The following CNTN1 variants were observed in gnomAD, a reference collection of about 807,000 sequenced individuals.
CNTN1 encodes the protein contactin-1.
In CNTN1, 38 loss-of-function variants were observed where a neutral mutation model predicts 126.4. That is an observed-to-expected ratio of 0.30 (90% CI 0.23 to 0.39). The LOEUF (loss-of-function observed/expected upper bound fraction) is 0.39. CNTN1 is among the 10% of genes least tolerant of loss of function. The pLI is 1.00. For missense variants in CNTN1, 1,009 were observed against 1,248.4 expected (o/e 0.81, Z 2.89); for synonymous variants, 413 against 422.6 (o/e 0.98, Z 0.28).
At chr12:40,989,820 G>A (rs960827266) in intron 16 of CNTN1, among the ~76,000 whole-genome samples, 1 of 152,022 alleles carries the variant, frequency 6.6e-6, no homozygotes, top group Non-Finnish European at 1.5e-5. Context: ...AACAAGCAAG[G>A]GGGAGACAGA....
intron 15 of CNTN1, among the ~76,000 whole-genome samples, chr12:40,980,276 G>A (rs1056319535): frequency 6.6e-6 from 1 of 151,866 alleles, no homozygotes. Context: ...CTGCAAAAGA[G>A]TACACACATG....
At chr12:40,840,515 T>A (rs1942235281) in intron 1 of CNTN1, among the ~76,000 whole-genome samples, 1 of 152,056 alleles carries the variant, frequency 6.6e-6, no homozygotes, top group Non-Finnish European at 1.5e-5. Flanking sequence ...TTACACAACA[T>A]TCTATCCAGC....
intron 1 of CNTN1, among the ~76,000 whole-genome samples, chr12:40,742,977 A>G (rs7137967): frequency 0.14 from 21,618 of 152,108 alleles, 1,779 homozygotes; most frequent in African/African-American, 0.22. Context: ...CTGTTACCTT[A>G]CAGTAGGTAA....
At chr12:41,033,038 T>C (rs1278993867) in intron 23 of CNTN1, among the ~76,000 whole-genome samples, 2 of 152,252 alleles carry the variant, frequency 1.3e-5, no homozygotes, top group African/African-American at 2.4e-5. Context: ...ATTAGGTTCA[T>C]GATTTATATT....
intron 1 of CNTN1, among the ~76,000 whole-genome samples, chr12:40,885,502 A>T (rs771818307): frequency 1.3e-5 from 2 of 151,990 alleles, no homozygotes; most frequent in Non-Finnish European, 2.9e-5. Context: ...GAATCCCAAC[A>T]TGCCTACTAG....
At chr12:40,886,627 C>T (rs1008181199) in intron 1 of CNTN1, among the ~76,000 whole-genome samples, 1 of 152,170 alleles carries the variant, frequency 6.6e-6, no homozygotes, top group African/African-American at 2.4e-5. Flanking sequence ...GTGTTTTAGA[C>T]ATGAAGTCAT....
intron 7 of CNTN1, among the ~76,000 whole-genome samples, chr12:40,931,155 T>C (rs1201649189): frequency 6.6e-6 from 1 of 152,010 alleles, no homozygotes; most frequent in Non-Finnish European, 1.5e-5. Context: ...GATTCTGCTC[T>C]ACCTCATTAT....
At chr12:41,057,291 C>A (rs952944117) in intron 23 of CNTN1, among the ~76,000 whole-genome samples, 2 of 148,562 alleles carry the variant, frequency 1.3e-5, no homozygotes, top group Non-Finnish European at 3.0e-5. Context: ...AAAGAAAGAG[C>A]CATGTATTCC....
intron 1 of CNTN1, among the ~76,000 whole-genome samples, chr12:40,780,208 C>T (rs1596533): frequency 0.96 from 145,575 of 151,946 alleles, 70,012 homozygotes; most frequent in East Asian, 1. Context: ...GAAGTTGCTA[C>T]AATTGTACAG....
At chr12:41,000,687 A>G (rs1439081006) in intron 17 of CNTN1, among the ~76,000 whole-genome samples, 2 of 152,074 alleles carry the variant, frequency 1.3e-5, no homozygotes, top group East Asian at 3.8e-4. Flanking sequence ...TATAATGTAA[A>G]CTTCTGTCAT....
chr12:40,783,350 G>C (rs901032941), intron 1 of CNTN1, among the ~76,000 whole-genome samples: 2 of 152,024 alleles, frequency 1.3e-5, no homozygotes, highest in Non-Finnish European at 2.9e-5. Context: ...ATATATGTGA[G>C]AAGATGCAAG....
chr12:40,921,994 T>C (rs1945458953), intron 4 of CNTN1, among the ~76,000 whole-genome samples: 1 of 152,170 alleles, frequency 6.6e-6, no homozygotes. Context: ...CAACAAAATA[T>C]TTGTCACTTG....
intron 17 of CNTN1, among the ~76,000 whole-genome samples, chr12:41,011,204 G>A (rs1272973189): frequency 2.6e-5 from 4 of 152,144 alleles, no homozygotes; most frequent in East Asian, 1.9e-4. Context: ...CCCAAATAAC[G>A]GGGATTCTCA....
intron 23 of CNTN1, among the ~76,000 whole-genome samples, chr12:41,067,991 G>T (rs73126958): frequency 0.01 from 1,571 of 152,220 alleles, 8 homozygotes; most frequent in Middle Eastern, 0.024. Context: ...TTTTCCATAT[G>T]ACATTTATTA....
chr12:40,786,471 C>T (rs986449468), intron 1 of CNTN1, among the ~76,000 whole-genome samples: 1 of 152,124 alleles, frequency 6.6e-6, no homozygotes, highest in African/African-American at 2.4e-5. Flanking sequence ...GTCCATGGAT[C>T]TTTCCAAGGT....
chr12:40,906,637 C>T (rs1470758811), intron 1 of CNTN1, among the ~76,000 whole-genome samples: 4 of 147,994 alleles, frequency 2.7e-5, no homozygotes, highest in Admixed American at 1.4e-4. Flanking sequence ...AACACTACAA[C>T]ATGTGTTTTC....
intron 1 of CNTN1, among the ~76,000 whole-genome samples, chr12:40,841,948 TA>T (rs1434137414): frequency 1.3e-5 from 2 of 152,012 alleles, no homozygotes; most frequent in Admixed American, 6.5e-5. Flanking sequence ...CTGTGCATTA[TA>T]AACATGTAAT....
At chr12:41,001,354 A>G (rs1397405697) in intron 17 of CNTN1, among the ~76,000 whole-genome samples, 2 of 152,094 alleles carry the variant, frequency 1.3e-5, no homozygotes, top group Non-Finnish European at 2.9e-5. Flanking sequence ...TCTAATGATC[A>G]TTATGTGGAG....
chr12:40,853,044 A>G (rs1189573592), intron 1 of CNTN1, among the ~76,000 whole-genome samples: 1 of 152,132 alleles, frequency 6.6e-6, no homozygotes, highest in Non-Finnish European at 1.5e-5. Context: ...CTTCAAACTT[A>G]CTTATATTCC....
Sources: gnomAD v4.1 joint callset for allele counts (sites outside exome capture counted in the v4.1 genomes callset) on GRCh38, gnomAD v4.1.1 for gene constraint, MANE v1.5 for transcripts, NCBI Gene and HGNC (gene_info 2026-07-23, HGNC 2026-07-21) for gene names.